HCLS1: variants seen among roughly 807,000 people sequenced by gnomAD.
HCLS1 encodes the protein hematopoietic cell-specific Lyn substrate 1.
A neutral mutation model predicts 68.6 loss-of-function variants in HCLS1; 44 were observed. The ratio of observed to expected loss-of-function variants is 0.64; its 90% CI spans 0.50 to 0.82. The LOEUF (loss-of-function observed/expected upper bound fraction) is 0.82. Among genes scored for constraint, HCLS1 ranks in the 40% least tolerant of loss-of-function variants. The pLI is 0.00. For missense variants in HCLS1, 602 were observed against 612.1 expected, an observed-to-expected ratio of 0.98 and a Z score of 0.17; for synonymous variants, 217 against 225.8, an observed-to-expected ratio of 0.96 and a Z score of 0.35.
intron 3 of HCLS1, among the ~76,000 whole-genome samples, chr3:121,653,241 C>T (rs1937788919): frequency 2.6e-5 from 4 of 152,180 alleles, no homozygotes; most frequent in African/African-American, 9.7e-5. Flanking sequence ...AGACCCATCA[C>T]ATGTAGTCAG....
chr3:121,657,438 G>T, intron 2 of HCLS1, 86 bp from the exon 3 acceptor site: 1 of 1,132,178 alleles, frequency 8.8e-7, no homozygotes, highest in Non-Finnish European at 1.3e-6. Flanking sequence ...TGCCCTCCAT[G>T]TCCCCTGTGT....
chr3:121,636,780 C>T (rs906391697), intron 7 of HCLS1, among the ~76,000 whole-genome samples: 1 of 152,076 alleles, frequency 6.6e-6, no homozygotes, highest in Admixed American at 6.5e-5. Context: ...TTCAGCCATC[C>T]GTATGGGTTC....
intron 6 of HCLS1, among the ~76,000 whole-genome samples, chr3:121,642,409 C>T (rs753422914): frequency 2.6e-5 from 4 of 151,964 alleles, no homozygotes; most frequent in African/African-American, 4.8e-5. Context: ...ACAGAGCTTG[C>T]GGTGAGCCAA....
intron 6 of HCLS1, among the ~76,000 whole-genome samples, chr3:121,639,583 C>G (rs2049179561): frequency 6.6e-6 from 1 of 152,082 alleles, no homozygotes; most frequent in East Asian, 1.9e-4. Context: ...GGGTCTCACT[C>G]TGTTGCCCAG....
intron 4 of HCLS1, among the ~76,000 whole-genome samples, chr3:121,646,989 T>C (rs185446939): frequency 6.8e-6 from 1 of 146,220 alleles, no homozygotes; most frequent in Non-Finnish European, 1.5e-5. Flanking sequence ...TTATTTATTT[T>C]TTTTTTTTTT....
chr3:121,644,355 T>A (rs1219533997), intron 5 of HCLS1: 1 of 290,402 alleles, frequency 3.4e-6, no homozygotes. Flanking sequence ...CTGGACTTCA[T>A]AGATTGATGC....
At chr3:121,645,445 A>C (rs993142783) in intron 4 of HCLS1, among the ~76,000 whole-genome samples, 5 of 152,046 alleles carry the variant, frequency 3.3e-5, no homozygotes, top group Non-Finnish European at 7.4e-5. Flanking sequence ...ACATGTATAC[A>C]AAAAAAATCA....
At chr3:121,659,741 C>A (rs939919520) in intron 1 of HCLS1, among the ~76,000 whole-genome samples, 2 of 151,408 alleles carry the variant, frequency 1.3e-5, no homozygotes, top group Non-Finnish European at 2.9e-5. Context: ...TGCTTCTCAT[C>A]CCCTGGCTCC....
chr3:121,652,944 T>C (rs1273066106), intron 3 of HCLS1, among the ~76,000 whole-genome samples: 4 of 152,208 alleles, frequency 2.6e-5, no homozygotes, highest in Non-Finnish European at 5.9e-5. Context: ...TTTCAGCCCA[T>C]GGAGTCAGAC....
intron 11 of HCLS1, 133 bp from the exon 12 acceptor site, chr3:121,632,696 C>T (rs2049111987): frequency 1.4e-6 from 1 of 720,288 alleles, no homozygotes; most frequent in African/African-American, 1.8e-5. Context: ...AACAGCCTCT[C>T]CTGGGGAACA....
chr3:121,658,696 T>C (rs541238942), intron 1 of HCLS1, among the ~76,000 whole-genome samples: 47 of 152,364 alleles, frequency 3.1e-4, no homozygotes, highest in African/African-American at 1.1e-3. Flanking sequence ...CTGGAGGTGG[T>C]TGGCAATGAG....
chr3:121,651,192 C>G (rs1937742544), intron 3 of HCLS1, among the ~76,000 whole-genome samples: 1 of 152,114 alleles, frequency 6.6e-6, no homozygotes, highest in South Asian at 2.1e-4. Context: ...GGAGAATACA[C>G]TTGTAAAACA....
Position 121,633,069 on chromosome 3 carries a change from C to T in HCLS1, c.1006G>A (p.Glu336Lys). Residue 336 changes from glutamate to lysine, a missense_variant and splice_region_variant, in exon 11 of 14, where the codon GAG becomes AAG. Coordinates refer to ENST00000314583, the MANE Select transcript of HCLS1 (RefSeq NM_005335.6). Reference sequence around the variant, plus strand: ...AGAATCTTTGGGGGTTTGCTTACCTCCGGGAGAGTCTGCCTAATGGGCAGC... The same window carrying T: ...AGAATCTTTGGGGGTTTGCTTACCTTCGGGAGAGTCTGCCTAATGGGCAGC... Reference protein sequence around the residue: ...PLLPIRQTLPEDNEEPPALPP... With the variant: ...PLLPIRQTLPKDNEEPPALPP... 1.2e-6 allele frequency: 2 copies of T among 1,604,826 alleles called. No individual in the cohort carries two copies. The highest frequency in any genetic ancestry group is 1.7e-6 in the Non-Finnish European group (2 of 1,171,946).
At chr3:121,651,476 AC>A (rs1182477249) in intron 3 of HCLS1, among the ~76,000 whole-genome samples, 2 of 152,114 alleles carry the variant, frequency 1.3e-5, no homozygotes, top group Non-Finnish European at 2.9e-5. Flanking sequence ...TCAGTCTGTC[AC>A]CCAGGCTGGA....
At position 121,631,753 on chromosome 3, in the gene HCLS1, T is replaced by C; in HGVS notation, c.*93A>G. ...AGGGAAGTCTGTCCAGAACCTCATCTGGTTAGACATTTGCAGCAGGAATAG... is the reference window on the plus strand; with the variant it reads ...AGGGAAGTCTGTCCAGAACCTCATCCGGTTAGACATTTGCAGCAGGAATAG... On this transcript the variant is annotated 3_prime_UTR_variant, in exon 14 of 14. Coordinates refer to ENST00000314583, the MANE Select transcript of HCLS1 (RefSeq NM_005335.6). 1.4e-6 allele frequency: 2 copies of C among 1,394,054 alleles called. No homozygotes were observed. 86.4% of individuals were successfully genotyped at this position (1,394,054 alleles called of 1,614,324 possible).
At position 121,637,179 on chromosome 3, in the gene HCLS1, T is replaced by G. The variant is rs1385454760; in HGVS notation, c.532A>C (p.Lys178Gln). Residue 178 changes from lysine (K) to glutamine (Q), a missense_variant, in exon 7 of 14, where the codon AAG (lysine) becomes CAG (glutamine). Lys to Gln is a moderately conservative substitution (Grantham distance 53). Transcript: ENST00000314583. ...WDKAALGYDY[K>Q]GETEKHESQR... ...GACTCGTGTTTCTCCGTCTCTCCCT[T>G]GTAGTCATATCCCAGAGCTGCTTTG... 1 of 1,613,786 alleles carries G rather than the reference T, an allele frequency of 6.2e-7. No individual in the cohort carries two copies. The highest frequency in any genetic ancestry group is 1.1e-5 in the South Asian group (1 of 91,044).
At chr3:121,648,160 C>A (rs188165693) in intron 3 of HCLS1, among the ~76,000 whole-genome samples, 3 of 152,134 alleles carry the variant, frequency 2.0e-5, no homozygotes, top group Non-Finnish European at 4.4e-5. Flanking sequence ...CCCTTCCCCC[C>A]AGGCTGATAA....
chr3:121,641,106 G>T (rs1296290185), intron 6 of HCLS1, among the ~76,000 whole-genome samples: 1 of 152,024 alleles, frequency 6.6e-6, no homozygotes, highest in Non-Finnish European at 1.5e-5. Context: ...GGTTGAAAAA[G>T]GGCAGTAAGT....
At chr3:121,643,630 T>C (rs2049220619) in intron 5 of HCLS1, 2 of 152,298 alleles carry the variant, frequency 1.3e-5, no homozygotes, top group Admixed American at 1.3e-4. Flanking sequence ...GGACTGGATA[T>C]GTTGCCCAGA....
Sources: allele counts gnomAD v4.1 joint callset (sites outside exome capture counted in the v4.1 genomes callset), GRCh38; gene constraint gnomAD v4.1.1; transcripts MANE v1.5; gene names NCBI Gene and HGNC (gene_info 2026-07-23, HGNC 2026-07-21).